The following MLKL variants were observed in gnomAD, a reference collection of about 807,000 sequenced individuals.
MLKL encodes mixed lineage kinase domain-like protein.
MLKL carries 55 observed loss-of-function variants against 56.5 expected under a neutral mutation model. That is an observed-to-expected ratio of 0.97 (90% CI 0.78 to 1.22). The LOEUF (loss-of-function observed/expected upper bound fraction) is 1.22, where lower values mean the gene tolerates loss of function less well. Ranked by LOEUF, MLKL falls within the 50% of genes most tolerant of loss-of-function variation. The probability of loss-of-function intolerance (pLI) is 0.00; values close to 1 mark genes in which losing one functional copy is unlikely to be tolerated. For synonymous variants in MLKL, 251 were observed against 208.3 expected, an observed-to-expected ratio of 1.20 and a Z score of -1.76; for missense variants, 694 against 573.9, an observed-to-expected ratio of 1.21 and a Z score of -2.14.
At chr16:74,692,111 C>T (rs749664958) in intron 3 of MLKL, among the ~76,000 whole-genome samples, 1 of 152,200 alleles carries the variant, frequency 6.6e-6, no homozygotes, top group African/African-American at 2.4e-5. Flanking sequence ...TTTTTAAGTA[C>T]TTTGACAGCT....
rs374998172 is a variant in MLKL, at chr16:74,695,669, C to T, written c.89G>A (p.Arg30His). The T allele has an allele frequency of 4.6e-5, 75 of 1,613,976 alleles. No individual in the cohort carries two copies. Among genetic ancestry groups the T allele is most frequent in the Non-Finnish European group, 6.0e-5 (71 of 1,180,050 alleles). Residue 30 changes from arginine (R) to histidine (H), a missense_variant, in exon 2 of 11, where the codon CGC (arginine) becomes CAC (histidine). Coordinates refer to ENST00000308807, the MANE Select transcript of MLKL (RefSeq NM_152649.4). The stretch of plus-strand genomic sequence containing the variant: ...CAGGCCGAGGACGCGGTGGCCCAGG[C>T]GCCGGCACTGTTTCTTGCAGTATTT... ...EMKYCKKQCR[R>H]LGHRVLGLIK...
intron 10 of MLKL, among the ~76,000 whole-genome samples, chr16:74,673,022 G>T (rs1316494682): frequency 6.6e-6 from 1 of 152,200 alleles, no homozygotes; most frequent in African/African-American, 2.4e-5. Context: ...CATTCTGAAA[G>T]GTAGGGATGT....
intron 1 of MLKL, 22 bp from the exon 2 acceptor site, chr16:74,695,781 T>C (rs1240226704): frequency 1.3e-6 from 2 of 1,562,002 alleles, no homozygotes; most frequent in Non-Finnish European, 1.7e-6. Flanking sequence ...GAATGGAATT[T>C]GGTGAAATCC....
At chr16:74,695,893 G>A in intron 1 of MLKL, 134 bp from the exon 2 acceptor site, 1 of 795,446 alleles carries the variant, frequency 1.3e-6, no homozygotes, top group Non-Finnish European at 1.9e-6. Context: ...GCAAGATAGA[G>A]ATGGTTTGCT....
chr16:74,674,624 G>C (rs1484399333), intron 10 of MLKL, among the ~76,000 whole-genome samples: 1 of 151,636 alleles, frequency 6.6e-6, no homozygotes, highest in Non-Finnish European at 1.5e-5. Flanking sequence ...GCTAATTTTA[G>C]TAGAGATGAG....
chr16:74,672,880 G>A (rs965075432), intron 10 of MLKL, among the ~76,000 whole-genome samples: 2 of 152,200 alleles, frequency 1.3e-5, no homozygotes, highest in African/African-American at 2.4e-5. Flanking sequence ...GGACAGCATT[G>A]TATAAATCAC....
intron 10 of MLKL, among the ~76,000 whole-genome samples, chr16:74,673,752 G>C (rs1212765993): frequency 6.6e-6 from 1 of 151,998 alleles, no homozygotes; most frequent in Non-Finnish European, 1.5e-5. Flanking sequence ...TAAAACAAGA[G>C]AGAGGAAAAA....
rs1960498320 is a variant in MLKL at position 74,688,935 on chromosome 16, G to T, written c.722+2342C>A. On this transcript the variant is annotated intron_variant, in intron 4 of 10. Coordinates refer to ENST00000308807, the MANE Select transcript of MLKL (RefSeq NM_152649.4). The stretch of plus-strand genomic sequence containing the variant: ...GAAAATATCATGCTAAGTGAAAGAA[G>T]CCAGACTCAACAGGCCACATATTGT... 3.9e-5 allele frequency among the ~76,000 whole-genome samples: 6 copies of T among 152,004 alleles called. No homozygotes were observed. The South Asian group carries it at 1.2e-3, about 32-fold the overall frequency.
chr16:74,678,908 G>A lies in MLKL; in HGVS notation c.1029C>T (p.Tyr343=). 6.2e-7 allele frequency: 1 copy of A among 1,614,072 alleles called. No individual in the cohort carries two copies. The highest frequency in any genetic ancestry group is 8.5e-7 in the Non-Finnish European group (1 of 1,179,952). The change falls in exon 7 of 11, where the codon TAC becomes TAT. Residue 343 remains tyrosine, a synonymous_variant. Coordinates refer to ENST00000308807, the MANE Select transcript of MLKL (RefSeq NM_152649.4). ...CGCAAGGCACACTCACCTTCACTTG[G>A]TAGCCTTGAGTTACCAGGAAGTTTG... ...RSSNFLVTQG[Y]QVKLAGFELR... is the part of the protein sequence containing the mutation.
chr16:74,675,805 T>A, intron 7 of MLKL, 41 bp from the exon 8 acceptor site: 1 of 1,605,146 alleles, frequency 6.2e-7, no homozygotes, highest in Non-Finnish European at 8.5e-7. Context: ...AGCAAGATCT[T>A]GGGTAGAGGA....
At position 74,671,926 on chromosome 16, in the gene MLKL, T is replaced by A. The variant is rs1959251997; in HGVS notation, c.*578A>T. 1 of 152,284 alleles carries A rather than the reference T, an allele frequency of 6.6e-6. No individual in the cohort carries two copies. Among genetic ancestry groups the A allele is most frequent in the South Asian group, 2.1e-4 (1 of 4,830 alleles). 9.4% of individuals were successfully genotyped at this position (152,284 alleles called of 1,614,324 possible). ...TGGGCAATTTGGGCTGGGATCTGCT[T>A]GAGTGGTTCTTCTGGTCTTGATTGG... is the stretch of plus-strand genomic sequence containing the variant. On this transcript the variant is annotated 3_prime_UTR_variant, in exon 11 of 11. Coordinates refer to ENST00000308807, the MANE Select transcript of MLKL (RefSeq NM_152649.4).
At chr16:74,699,037 C>T (rs1311405588) in intron 1 of MLKL, among the ~76,000 whole-genome samples, 6 of 151,418 alleles carry the variant, frequency 4.0e-5, no homozygotes, top group Non-Finnish European at 7.4e-5. Flanking sequence ...TGCTTGAACC[C>T]GGGAGGTGGA....
rs1281837305 is a variant in MLKL at position 74,695,707 on chromosome 16, C to G, written c.51G>C (p.Arg17=). The G allele has an allele frequency of 6.2e-7, 1 of 1,613,790 alleles. No homozygotes were observed. The highest frequency in any genetic ancestry group is 8.5e-7 in the Non-Finnish European group (1 of 1,179,950). The change falls in exon 2 of 11, where the codon CGG becomes CGC. Residue 17 remains arginine, a synonymous_variant. Transcript: ENST00000308807. The part of the protein sequence containing the change: ...IITLGQVIHK[R]CEEMKYCKKQ... ...TCTTGCAGTATTTCATCTCTTCACACCGTTTGTGGATGACCTGGCCAAGGG... is the reference window on the plus strand; with the variant it reads ...TCTTGCAGTATTTCATCTCTTCACAGCGTTTGTGGATGACCTGGCCAAGGG...
intron 7 of MLKL, among the ~76,000 whole-genome samples, chr16:74,678,688 C>T (rs893204882): frequency 2.0e-5 from 3 of 152,180 alleles, no homozygotes; most frequent in African/African-American, 7.2e-5. Flanking sequence ...GAGGCTGAGG[C>T]AGGAGAATCG....
intron 6 of MLKL, among the ~76,000 whole-genome samples, chr16:74,680,851 T>C (rs1959924787): frequency 6.6e-6 from 1 of 152,010 alleles, no homozygotes; most frequent in Admixed American, 6.6e-5. Flanking sequence ...AATATCTCCA[T>C]TGTACAAAGA....
chr16:74,677,023 G>C (rs543747997), intron 7 of MLKL: 23 of 152,182 alleles, frequency 1.5e-4, no homozygotes, highest in African/African-American at 5.1e-4. Flanking sequence ...TGATGGGAAT[G>C]CTTTGTAGCA....
intron 6 of MLKL, 51 bp from the exon 7 acceptor site, chr16:74,679,031 T>C: frequency 6.9e-7 from 1 of 1,448,296 alleles, no homozygotes; most frequent in Middle Eastern, 1.8e-4. Flanking sequence ...AAACTTTCTT[T>C]GGGGGACTGA....
intron 1 of MLKL, among the ~76,000 whole-genome samples, chr16:74,697,746 G>A (rs1283525691): frequency 1.3e-5 from 2 of 152,100 alleles, no homozygotes; most frequent in African/African-American, 2.4e-5. Flanking sequence ...TTGAGCCTGG[G>A]AGGTTGAGGC....
intron 4 of MLKL, among the ~76,000 whole-genome samples, 188 bp downstream of exon 4, chr16:74,691,089 A>G (rs531608656): frequency 6.6e-6 from 1 of 151,860 alleles, no homozygotes; most frequent in Non-Finnish European, 1.5e-5. Flanking sequence ...GACAAAGGAG[A>G]GAAGACCTAG....
Sources: allele counts gnomAD v4.1 joint callset (sites outside exome capture counted in the v4.1 genomes callset), GRCh38; gene constraint gnomAD v4.1.1; transcripts MANE v1.5; gene names NCBI Gene and HGNC (gene_info 2026-07-23, HGNC 2026-07-21).